Variants in CMKLR1 observed in about 807,000 individuals in gnomAD.
CMKLR1 encodes the protein chemerin chemokine-like receptor 1.
A neutral mutation model predicts 8.2 loss-of-function variants in CMKLR1; 6 were observed. The ratio of observed to expected loss-of-function variants is 0.73; its 90% CI spans 0.40 to 1.44. CMKLR1 has a LOEUF of 1.44. Among genes scored for constraint, CMKLR1 ranks in the 40% most tolerant of loss-of-function variants. The pLI is 0.02. For missense variants in CMKLR1, 429 were observed against 478.0 expected, an observed-to-expected ratio of 0.90 and a Z score of 0.96; for synonymous variants, 178 against 181.2, an observed-to-expected ratio of 0.98 and a Z score of 0.14.
intron 2 of CMKLR1, among the ~76,000 whole-genome samples, chr12:108,326,591 C>T (rs1891987247): frequency 6.6e-6 from 1 of 152,128 alleles, no homozygotes; most frequent in Non-Finnish European, 1.5e-5. Flanking sequence ...GGCAGAAAGG[C>T]CTGGAAATCA....
chr12:108,319,421 G>C (rs1891805770), intron 2 of CMKLR1, among the ~76,000 whole-genome samples: 1 of 152,206 alleles, frequency 6.6e-6, no homozygotes, highest in Admixed American at 6.5e-5. Context: ...CATGTTCAAT[G>C]TGTGATGGTT....
chr12:108,311,096 C>T (rs1891553002), intron 2 of CMKLR1, among the ~76,000 whole-genome samples: 1 of 152,188 alleles, frequency 6.6e-6, no homozygotes, highest in Admixed American at 6.5e-5. Flanking sequence ...TTCAATTCCA[C>T]CATCAGGGTC....
In CMKLR1 at chr12:108,327,279, A is replaced by G. The variant is rs540986605; in HGVS notation, c.-74+2716T>C. On this transcript the variant is annotated intron_variant, in intron 2 of 3. Transcript: ENST00000550402. ...GATCACTTGAAGCCAGGAGTTTGAGACCAGCCTGGGCAACATGGTGAGACC... is the reference window on the plus strand; with the variant it reads ...GATCACTTGAAGCCAGGAGTTTGAGGCCAGCCTGGGCAACATGGTGAGACC... 2.0e-5 allele frequency among the ~76,000 whole-genome samples: 3 copies of G among 152,256 alleles called. No homozygotes were observed. In the South Asian group the frequency reaches 6.2e-4, roughly 32 times the overall value.
rs1042365262 is a variant in CMKLR1, at chr12:108,288,205, G to A, written c.*3636C>T. The A allele has an allele frequency of 8.5e-5, 13 of 152,116 alleles. No homozygotes were observed. Among genetic ancestry groups the A allele is most frequent in the African/African-American group, 3.1e-4 (13 of 41,402 alleles). The allele number at this position is 152,116 out of a possible 1,614,324, so 9.4% of individuals were successfully genotyped here. A position where few individuals can be genotyped will look rare whatever the true frequency, so the allele number is the denominator to read the frequency against. On this transcript the variant is annotated 3_prime_UTR_variant, in exon 4 of 4. Coordinates refer to ENST00000550402, the MANE Select transcript of CMKLR1 (RefSeq NM_001142343.2). ...CCAAACCCAGGATTTGGTAACCTTG[G>A]GCCTAGGGCATCCCAGCCCCAACAA...
intron 3 of CMKLR1, 60 bp downstream of exon 3, chr12:108,293,529 C>T: frequency 1.3e-6 from 2 of 1,542,392 alleles, no homozygotes; most frequent in Non-Finnish European, 1.8e-6. Flanking sequence ...TCCCCCTGTG[C>T]ACCCAATCTG....
intron 1 of CMKLR1, among the ~76,000 whole-genome samples, chr12:108,333,380 C>G (rs574313846): frequency 6.6e-6 from 1 of 152,258 alleles, no homozygotes; most frequent in East Asian, 1.9e-4. Flanking sequence ...CCAGCAGAGC[C>G]CAAGACCTCT....
At chr12:108,316,877 A>G (rs1566025884) in intron 2 of CMKLR1, among the ~76,000 whole-genome samples, 1 of 152,210 alleles carries the variant, frequency 6.6e-6, no homozygotes, top group Non-Finnish European at 1.5e-5. Flanking sequence ...AGCTCACTGC[A>G]GCCTCAACCT....
intron 1 of CMKLR1, among the ~76,000 whole-genome samples, chr12:108,331,042 C>A (rs1222954724): frequency 6.6e-6 from 1 of 152,134 alleles, no homozygotes; most frequent in East Asian, 1.9e-4. Context: ...AGCCCATGAG[C>A]CAGACAAGCA....
chr12:108,325,541 G>C (rs1361656147), intron 2 of CMKLR1, among the ~76,000 whole-genome samples: 1 of 152,058 alleles, frequency 6.6e-6, no homozygotes. Context: ...TAAATAGCTG[G>C]CTGTTGCAAA....
chr12:108,334,806 T>C (rs1214052801), intron 1 of CMKLR1, among the ~76,000 whole-genome samples: 1 of 152,222 alleles, frequency 6.6e-6, no homozygotes, highest in Non-Finnish European at 1.5e-5. Context: ...ACCTATAAAA[T>C]GGGGATGATA....
intron 2 of CMKLR1, among the ~76,000 whole-genome samples, chr12:108,315,230 A>G (rs1174239624): frequency 6.6e-6 from 1 of 152,116 alleles, no homozygotes; most frequent in Non-Finnish European, 1.5e-5. Context: ...GCCCAAACAC[A>G]GTCTTTCTCC....
intron 1 of CMKLR1, among the ~76,000 whole-genome samples, chr12:108,331,866 T>C (rs1892116962): frequency 6.6e-6 from 1 of 152,308 alleles, no homozygotes; most frequent in African/African-American, 2.4e-5. Flanking sequence ...ATGCAATCTT[T>C]GATTTTAGCC....
Position 108,328,181 on chromosome 12 carries a change from AG to A in CMKLR1, c.-74+1813del, listed in dbSNP as rs367586249. ...CGGGAGAAGTGAGGCCAGCAAGTCA[AG>A]GTCTCCACCCAGTCCCTACCATGTC... On this transcript the variant is annotated intron_variant, in intron 2 of 3. Coordinates refer to ENST00000550402, the MANE Select transcript of CMKLR1 (RefSeq NM_001142343.2). 4.2e-4 allele frequency among the ~76,000 whole-genome samples: 64 copies of A among 152,324 alleles called. No homozygotes were observed. The South Asian group carries it at 0.013, about 30-fold the overall frequency.
chr12:108,296,387 ATTG>A (rs1319732308), intron 2 of CMKLR1, among the ~76,000 whole-genome samples: 2 of 152,312 alleles, frequency 1.3e-5, no homozygotes, highest in Admixed American at 6.5e-5. Flanking sequence ...TGTTATTGGC[ATTG>A]TTATTATTTC....
chr12:108,299,783 A>G (rs1202643552), intron 2 of CMKLR1, among the ~76,000 whole-genome samples: 1 of 152,158 alleles, frequency 6.6e-6, no homozygotes, highest in African/African-American at 2.4e-5. Flanking sequence ...GCAAGGAAGT[A>G]TCCTCCCCTG....
At chr12:108,315,111 A>AT (rs1460112400) in intron 2 of CMKLR1, among the ~76,000 whole-genome samples, 1 of 149,466 alleles carries the variant, frequency 6.7e-6, no homozygotes, top group Non-Finnish European at 1.5e-5. Context: ...CTGATTTTGT[A>AT]TTTTTAGCAG....
chr12:108,295,744 G>A (rs745745005), intron 2 of CMKLR1, among the ~76,000 whole-genome samples: 11 of 152,248 alleles, frequency 7.2e-5, no homozygotes, highest in Admixed American at 3.3e-4. Flanking sequence ...TGGGCTGGGT[G>A]TGTGAGTCCC....
At chr12:108,303,645 G>A (rs764476443) in intron 2 of CMKLR1, among the ~76,000 whole-genome samples, 73 of 152,124 alleles carry the variant, frequency 4.8e-4, no homozygotes, top group Non-Finnish European at 1.2e-4. Context: ...TCGCCTCCTT[G>A]GAACATTCCA....
At chr12:108,295,427 A>G (rs1276097202) in intron 2 of CMKLR1, among the ~76,000 whole-genome samples, 2 of 152,246 alleles carry the variant, frequency 1.3e-5, no homozygotes, top group African/African-American at 4.8e-5. Context: ...GACCAAGTTG[A>G]CATTCCCTGT....
Sources: allele counts gnomAD v4.1 joint callset (sites outside exome capture counted in the v4.1 genomes callset), GRCh38; gene constraint gnomAD v4.1.1; transcripts MANE v1.5; gene names NCBI Gene and HGNC (gene_info 2026-07-23, HGNC 2026-07-21).